Variants in RBFOX1 observed in about 807,000 individuals in gnomAD.
RBFOX1 encodes RNA binding fox-1 homolog 1.
In RBFOX1, 8 loss-of-function variants were observed where a neutral mutation model predicts 57.7. That is an observed-to-expected ratio of 0.14 (90% CI 0.08 to 0.25). The LOEUF is 0.25. Ranked by LOEUF, RBFOX1 falls within the 10% of genes least tolerant of loss-of-function variation. RBFOX1 has a pLI of 1.00. For synonymous variants in RBFOX1, 326 were observed against 222.4 expected (o/e 1.47, Z -4.15); for missense variants, 611 against 548.5 (o/e 1.11, Z -1.14).
At chr16:6,904,343 G>A (rs1417233734) in intron 3 of RBFOX1, among the ~76,000 whole-genome samples, 1 of 152,064 alleles carries the variant, frequency 6.6e-6, no homozygotes, top group African/African-American at 2.4e-5. Flanking sequence ...GCTCATGCCT[G>A]TAATCCCAGC....
chr16:5,775,505 C>G (rs1351505043), intron 3 of RBFOX1, among the ~76,000 whole-genome samples: 1 of 152,198 alleles, frequency 6.6e-6, no homozygotes, highest in African/African-American at 2.4e-5. Context: ...CCTTCTATCA[C>G]AAATGATAAA....
chr16:7,346,653 C>G (rs1359718944), intron 4 of RBFOX1, among the ~76,000 whole-genome samples: 1 of 151,898 alleles, frequency 6.6e-6, no homozygotes, highest in East Asian at 2.0e-4. Flanking sequence ...TCGTTCAAGC[C>G]TTTGTGTTCA....
chr16:7,138,771 C>G (rs1461006940), intron 4 of RBFOX1, among the ~76,000 whole-genome samples: 1 of 152,130 alleles, frequency 6.6e-6, no homozygotes, highest in Non-Finnish European at 1.5e-5. Context: ...ACAAGGAACA[C>G]ACATCCATTT....
At chr16:6,350,498 A>C (rs1010524645) in intron 2 of RBFOX1, among the ~76,000 whole-genome samples, 1 of 130,812 alleles carries the variant, frequency 7.6e-6, no homozygotes, top group African/African-American at 3.0e-5. Context: ...AAAAAAAAAA[A>C]ACAGTGTTCT....
At chr16:7,696,377 G>C (rs2078798254) in intron 14 of RBFOX1, among the ~76,000 whole-genome samples, 1 of 152,164 alleles carries the variant, frequency 6.6e-6, no homozygotes, top group Non-Finnish European at 1.5e-5. Context: ...TTCTTCAATA[G>C]ATGGTGAAAA....
chr16:6,121,084 T>C (rs1202852579), intron 1 of RBFOX1, among the ~76,000 whole-genome samples: 1 of 152,242 alleles, frequency 6.6e-6, no homozygotes, highest in Non-Finnish European at 1.5e-5. Context: ...CATATCTTGA[T>C]AACAAATCTT....
At chr16:6,857,031 T>G (rs987206162) in intron 3 of RBFOX1, among the ~76,000 whole-genome samples, 1 of 152,200 alleles carries the variant, frequency 6.6e-6, no homozygotes, top group Non-Finnish European at 1.5e-5. Context: ...AATGGCTTAC[T>G]GCAAATCGTG....
intron 4 of RBFOX1, among the ~76,000 whole-genome samples, chr16:5,905,639 A>C (rs2058438587): frequency 6.6e-6 from 1 of 152,134 alleles, no homozygotes; most frequent in Admixed American, 6.5e-5. Context: ...AGGCTGCAGT[A>C]CGCTGTGAAC....
In RBFOX1 at chr16:5,572,689, T is replaced by C. The variant is rs2151135905; in HGVS notation, c.259-26213T>C. ...AGGGGAGAGAGGAATCCTTGAAGAG[T>C]AGGGTTGGCCATTTTACAAAAGGTG... is the stretch of plus-strand genomic sequence containing the variant. On this transcript the variant is annotated intron_variant, in intron 2 of 2. Coordinates refer to the RBFOX1 transcript ENST00000585867. 1.3e-5 allele frequency among the ~76,000 whole-genome samples: 2 copies of C among 152,028 alleles called. 1 individual carries two copies. Among genetic ancestry groups the C allele is most frequent in the South Asian group, 4.2e-4 (2 of 4,814 alleles).
chr16:7,503,146 C>G lies in RBFOX1; in HGVS notation c.28-15001C>G, dbSNP rs537812545. ...ACTAGAACATTCTGTCATCTGTAAC[C>G]TAATCCCATTGGGGAGAGTATTTGA... On this transcript the variant is annotated intron_variant, in intron 4 of 15. Transcript: ENST00000550418. 5.3e-5 allele frequency among the ~76,000 whole-genome samples: 8 copies of G among 152,294 alleles called. No individual in the cohort carries two copies. In the East Asian group the frequency reaches 1.5e-3, roughly 29 times the overall value.
intron 3 of RBFOX1, among the ~76,000 whole-genome samples, chr16:6,982,489 C>T (rs545670755): frequency 1.4e-4 from 22 of 152,242 alleles, no homozygotes; most frequent in South Asian, 4.1e-4. Flanking sequence ...GAGTCGTTGA[C>T]GAGGTGGATC....
chr16:5,700,026 G>T (rs1392180535), intron 3 of RBFOX1, among the ~76,000 whole-genome samples: 3 of 152,066 alleles, frequency 2.0e-5, no homozygotes, highest in East Asian at 1.9e-4. Context: ...TAGAGACGGG[G>T]TTTTACCGTG....
At chr16:6,184,278 T>G (rs891226448) in intron 1 of RBFOX1, among the ~76,000 whole-genome samples, 6 of 152,116 alleles carry the variant, frequency 3.9e-5, no homozygotes, top group African/African-American at 4.8e-5. Context: ...CAGAGGATGT[T>G]GAGCACATGA....
chr16:5,533,718 T>C (rs1391395395), intron 2 of RBFOX1, among the ~76,000 whole-genome samples: 1 of 152,136 alleles, frequency 6.6e-6, no homozygotes, highest in Non-Finnish European at 1.5e-5. Flanking sequence ...AAAATGACCA[T>C]GTGGAGTGTG....
At chr16:6,410,980 C>G (rs1328660340) in intron 2 of RBFOX1, among the ~76,000 whole-genome samples, 1 of 152,152 alleles carries the variant, frequency 6.6e-6, no homozygotes, top group Non-Finnish European at 1.5e-5. Flanking sequence ...CCACAATAAC[C>G]CCGGGATGTA....
At chr16:6,799,928 T>C (rs2084973293) in intron 3 of RBFOX1, among the ~76,000 whole-genome samples, 2 of 152,164 alleles carry the variant, frequency 1.3e-5, no homozygotes. Context: ...TGGCTTATAG[T>C]GAGACTTCGT....
intron 4 of RBFOX1, among the ~76,000 whole-genome samples, chr16:7,359,005 A>T (rs1335631370): frequency 6.6e-6 from 1 of 152,204 alleles, no homozygotes; most frequent in South Asian, 2.1e-4. Context: ...AAAAAATCTA[A>T]GATTAGTTGA....
At chr16:5,942,097 C>G (rs2059292056) in intron 4 of RBFOX1, among the ~76,000 whole-genome samples, 1 of 152,216 alleles carries the variant, frequency 6.6e-6, no homozygotes, top group East Asian at 1.9e-4. Context: ...CCAGTGGGTT[C>G]TTCTTGCCTG....
At chr16:6,519,248 G>T (rs1371838512) in intron 2 of RBFOX1, among the ~76,000 whole-genome samples, 2 of 152,160 alleles carry the variant, frequency 1.3e-5, no homozygotes, top group Non-Finnish European at 2.9e-5. Flanking sequence ...AAGAGTGGGA[G>T]TGCTCTGTGC....
Sources: gnomAD v4.1 joint callset for allele counts (sites outside exome capture counted in the v4.1 genomes callset) on GRCh38, gnomAD v4.1.1 for gene constraint, MANE v1.5 for transcripts, NCBI Gene and HGNC (gene_info 2026-07-23, HGNC 2026-07-21) for gene names.